ZNF721: variants seen among roughly 807,000 people sequenced by gnomAD.
The protein encoded by ZNF721 is zinc finger protein 721.
A neutral mutation model predicts 2.4 loss-of-function variants in ZNF721; 2 were observed. The ratio of observed to expected loss-of-function variants is 0.82; its 90% CI spans 0.34 to 2.58. ZNF721 has a LOEUF of 2.58. Ranked by LOEUF, ZNF721 falls within the 30% of genes most tolerant of loss-of-function variation. The pLI is 0.11. For missense variants in ZNF721, 1,187 were observed against 1,085.5 expected (o/e 1.09, Z -1.31); for synonymous variants, 398 against 381.8 (o/e 1.04, Z -0.50).
rs1716153067 is a variant in ZNF721, at chr4:496,371, C to T, written c.-94+2685G>A. 3.4e-5 allele frequency among the ~76,000 whole-genome samples: 5 copies of T among 145,330 alleles called. No individual in the cohort carries two copies. The South Asian group carries it at 9.0e-4, about 26-fold the overall frequency. ...GAGGCTCAAGGTGCGGGAGGGGTCA[C>T]CTCCTTATATGCACCTGCCAGCTGA... On this transcript the variant is annotated intron_variant, in intron 1 of 2. Coordinates refer to ENST00000511833, the MANE Select transcript of ZNF721 (RefSeq NM_133474.4).
chr4:474,874 T>A (rs1416868999), intron 1 of ZNF721, among the ~76,000 whole-genome samples: 1 of 151,380 alleles, frequency 6.6e-6, no homozygotes, highest in Non-Finnish European at 1.5e-5. Flanking sequence ...AGACTCCGTC[T>A]CAAAAAATAA....
rs1321507038 is a variant in ZNF721 at position 440,031 on chromosome 4, C to T, written c.*1664G>A. The T allele has an allele frequency of 6.6e-6, 1 of 150,508 alleles. No individual in the cohort carries two copies. The highest frequency in any genetic ancestry group is 2.1e-4 in the South Asian group (1 of 4,816). 9.3% of individuals were successfully genotyped at this position (150,508 alleles called of 1,614,324 possible). A position where few individuals can be genotyped will look rare whatever the true frequency, so the allele number is the denominator to read the frequency against. On this transcript the variant is annotated 3_prime_UTR_variant, in exon 3 of 3. Coordinates refer to ENST00000511833, the MANE Select transcript of ZNF721 (RefSeq NM_133474.4). Reference sequence around the variant, plus strand: ...TTTTATTTCAAAAATTAAGTTCACACATTATCTTAAGAGAATTTTAAAATT... The same window carrying T: ...TTTTATTTCAAAAATTAAGTTCACATATTATCTTAAGAGAATTTTAAAATT...
Position 441,460 on chromosome 4 carries a change from C to G in ZNF721, c.*235G>C, listed in dbSNP as rs1714232300. The G allele has an allele frequency of 2.7e-6, 1 of 376,090 alleles. No individual in the cohort carries two copies. The highest frequency in any genetic ancestry group is 6.9e-5 in the South Asian group (1 of 14,476). The allele number at this position is 376,090 out of a possible 1,614,324, so 23.3% of individuals were successfully genotyped here. On this transcript the variant is annotated 3_prime_UTR_variant, in exon 3 of 3. Coordinates refer to ENST00000511833, the MANE Select transcript of ZNF721 (RefSeq NM_133474.4). Reference sequence around the variant, plus strand: ...TGCCACATTTTTAATTTTAATTTGGCTTCTCATCAATATAATTACTCTTAT... The same window carrying G: ...TGCCACATTTTTAATTTTAATTTGGGTTCTCATCAATATAATTACTCTTAT...
At chr4:473,718 C>A (rs1055543730) in intron 1 of ZNF721, among the ~76,000 whole-genome samples, 21 of 152,204 alleles carry the variant, frequency 1.4e-4, no homozygotes, top group African/African-American at 5.1e-4. Flanking sequence ...GGCGTCTTCC[C>A]GATGAGCTTC....
intron 2 of ZNF721, among the ~76,000 whole-genome samples, chr4:469,930 G>A (rs1359174240): frequency 1.3e-5 from 2 of 152,152 alleles, no homozygotes; most frequent in Non-Finnish European, 2.9e-5. Flanking sequence ...TGCCCAGACT[G>A]GAGTGCAGTG....
chr4:477,030 T>A (rs1033281825), intron 1 of ZNF721, among the ~76,000 whole-genome samples: 2 of 152,148 alleles, frequency 1.3e-5, no homozygotes, highest in Admixed American at 1.3e-4. Flanking sequence ...TTGTTTTTCC[T>A]CACTCCTTTT....
chr4:446,663 G>T (rs1294625805), intron 2 of ZNF721, among the ~76,000 whole-genome samples: 1 of 151,694 alleles, frequency 6.6e-6, no homozygotes, highest in Non-Finnish European at 1.5e-5. Context: ...GCAGGCGTGA[G>T]CCACCACACC....
Position 442,124 on chromosome 4 carries a change from G to A in ZNF721, c.2343C>T (p.Tyr781=). The part of the protein sequence containing the change: ...HEKIHTGKKP[Y]KCKECGKVIT... ...TGACTTTGCCACATTCCTTACATTT[G>A]TAGGGTTTCTTTCCAGTATGAATTT... Residue 781 remains tyrosine, a synonymous_variant, in exon 3 of 3, where the codon TAC becomes TAT. Coordinates refer to ENST00000511833, the MANE Select transcript of ZNF721 (RefSeq NM_133474.4). 6.2e-7 allele frequency: 1 copy of A among 1,613,734 alleles called. No homozygotes were observed. Among genetic ancestry groups the A allele is most frequent in the Non-Finnish European group, 8.5e-7 (1 of 1,179,744 alleles).
At chr4:445,438 C>G (rs1553864039) in intron 2 of ZNF721, among the ~76,000 whole-genome samples, 1 of 152,036 alleles carries the variant, frequency 6.6e-6, no homozygotes, top group African/African-American at 2.4e-5. Context: ...GACAAAGCAA[C>G]ATAATAAAGA....
rs1383139779 is a variant in ZNF721, at chr4:472,697, G to A, written c.-89C>T. ...TATGGCCACATCCCTGAATGTTAAG[G>A]GTTCCTGAAAATACATATGTATCAA... On this transcript the variant is annotated 5_prime_UTR_variant, in exon 2 of 3. Transcript: ENST00000511833. 3.1e-6 allele frequency: 5 copies of A among 1,611,790 alleles called. No individual in the cohort carries two copies. The African/African-American group carries it at 4.0e-5, about 13-fold the overall frequency.
chr4:476,214 TCTC>T (rs1395027002), intron 1 of ZNF721, among the ~76,000 whole-genome samples: 2 of 152,118 alleles, frequency 1.3e-5, no homozygotes, highest in Non-Finnish European at 2.9e-5. Context: ...AGAAAACCCT[TCTC>T]CTTGATACTA....
intron 2 of ZNF721, among the ~76,000 whole-genome samples, chr4:471,262 G>C (rs1553867642): frequency 6.6e-6 from 1 of 152,008 alleles, no homozygotes; most frequent in Non-Finnish European, 1.5e-5. Flanking sequence ...TACTACCAAA[G>C]GAAATTAAAT....
At chr4:444,727 A>G (rs1365740881) in intron 2 of ZNF721, among the ~76,000 whole-genome samples, 1 of 152,224 alleles carries the variant, frequency 6.6e-6, no homozygotes, top group African/African-American at 2.4e-5. Flanking sequence ...TCCCCAATAT[A>G]GCACTATGCC....
chr4:488,121 G>A (rs1715940557), intron 1 of ZNF721, among the ~76,000 whole-genome samples: 1 of 152,170 alleles, frequency 6.6e-6, no homozygotes, highest in Non-Finnish European at 1.5e-5. Flanking sequence ...CCAGGTCCTT[G>A]GGCTGCTTGC....
intron 2 of ZNF721, among the ~76,000 whole-genome samples, chr4:456,405 A>AT (rs151258220): frequency 0.031 from 4,730 of 152,314 alleles, 236 homozygotes; most frequent in African/African-American, 0.11. Flanking sequence ...GGTAAGGGCA[A>AT]TATTTATAAA....
intron 2 of ZNF721, among the ~76,000 whole-genome samples, chr4:463,007 C>A (rs1203209468): frequency 1.3e-5 from 2 of 152,150 alleles, no homozygotes; most frequent in East Asian, 3.8e-4. Flanking sequence ...ATCTACCCAT[C>A]TGACAAAGGA....
chr4:485,518 C>T (rs1408800093), intron 1 of ZNF721, among the ~76,000 whole-genome samples: 1 of 151,896 alleles, frequency 6.6e-6, no homozygotes, highest in East Asian at 1.9e-4. Context: ...AGAACAAAGG[C>T]GGGACTGAAA....
chr4:480,781 C>T (rs1715751366), intron 1 of ZNF721, among the ~76,000 whole-genome samples: 1 of 143,392 alleles, frequency 7.0e-6, no homozygotes, highest in East Asian at 2.0e-4. Flanking sequence ...CTTCTTTATC[C>T]ATTTATCTAT....
At chr4:497,643 C>G (rs1444041485) in intron 1 of ZNF721, among the ~76,000 whole-genome samples, 1 of 150,598 alleles carries the variant, frequency 6.6e-6, no homozygotes, top group Non-Finnish European at 1.5e-5. Context: ...AATCCCAGCT[C>G]TTTGGGAGAC....
Sources: gnomAD v4.1 joint callset for allele counts (sites outside exome capture counted in the v4.1 genomes callset) on GRCh38, gnomAD v4.1.1 for gene constraint, MANE v1.5 for transcripts, NCBI Gene and HGNC (gene_info 2026-07-23, HGNC 2026-07-21) for gene names.